Variants in LRBA observed in about 807,000 individuals in gnomAD.
LRBA encodes LPS responsive beige-like anchor protein.
Under a neutral mutation model 330.0 loss-of-function variants are expected in LRBA, and 176 were observed. That is an observed-to-expected ratio of 0.53 (90% CI 0.47 to 0.60). The LOEUF (loss-of-function observed/expected upper bound fraction) is 0.60. Ranked by LOEUF, LRBA falls within the 20% of genes least tolerant of loss-of-function variation. The pLI is 0.00. For missense variants in LRBA, 3,259 were observed against 3,444.8 expected (o/e 0.95, Z 1.35); for synonymous variants, 1,230 against 1,193.0 (o/e 1.03, Z -0.64).
At chr4:150,675,202 A>C (rs889829360) in intron 37 of LRBA, among the ~76,000 whole-genome samples, 1 of 152,154 alleles carries the variant, frequency 6.6e-6, no homozygotes, top group East Asian at 1.9e-4. Flanking sequence ...CAAAACAAAA[A>C]AACAAAAAAA....
chr4:150,853,624 T>C (rs1303228459), intron 22 of LRBA, among the ~76,000 whole-genome samples: 1 of 152,180 alleles, frequency 6.6e-6, no homozygotes, highest in Non-Finnish European at 1.5e-5. Flanking sequence ...ACCGTGAACA[T>C]TCCTATATCA....
At chr4:150,331,110 T>C (rs1733939797) in intron 48 of LRBA, among the ~76,000 whole-genome samples, 1 of 152,170 alleles carries the variant, frequency 6.6e-6, no homozygotes, top group African/African-American at 2.4e-5. Flanking sequence ...CAACACTCCA[T>C]TGTCTCACTA....
intron 44 of LRBA, among the ~76,000 whole-genome samples, chr4:150,448,532 C>T (rs973355899): frequency 2.0e-5 from 3 of 151,966 alleles, no homozygotes; most frequent in Admixed American, 6.6e-5. Context: ...CCGGGCGTGG[C>T]GGCTCACACC....
In LRBA at chr4:150,828,327, T is replaced by C; in HGVS notation, c.5024A>G (p.Asn1675Ser). The change falls in exon 30 of 57, where the codon AAC becomes AGC. Residue 1675 changes from asparagine (N) to serine (S), a missense_variant. Coordinates refer to ENST00000651943, the MANE Select transcript of LRBA (RefSeq NM_001364905.1). ...KATPSVSVSK[N>S]VNVKDILRSL... ...TCGGAGAATGTCTTTCACATTGACG[T>C]TTTTTGAAACTGAAACTGACGGTGT... The C allele has an allele frequency of 1.2e-6, 2 of 1,614,146 alleles. No homozygotes were observed. Among genetic ancestry groups the C allele is most frequent in the Non-Finnish European group, 1.7e-6 (2 of 1,180,002 alleles).
intron 40 of LRBA, among the ~76,000 whole-genome samples, chr4:150,555,740 G>A (rs919874818): frequency 8.8e-5 from 12 of 136,008 alleles, no homozygotes; most frequent in Admixed American, 2.9e-4. Flanking sequence ...AACAGAGTGA[G>A]ACTCTGTCTT....
intron 40 of LRBA, among the ~76,000 whole-genome samples, chr4:150,551,166 C>T (rs551227725): frequency 6.6e-6 from 1 of 152,124 alleles, no homozygotes; most frequent in Non-Finnish European, 1.5e-5. Flanking sequence ...TGGTCTTCTG[C>T]CCTGGGATGA....
At position 150,915,745 on chromosome 4, in the gene LRBA, A is replaced by G; in HGVS notation, c.895-18T>C. 6.4e-7 allele frequency: 1 copy of G among 1,572,122 alleles called. No homozygotes were observed. Among genetic ancestry groups the G allele is most frequent in the South Asian group, 1.2e-5 (1 of 83,020 alleles). ...ATATACCACTGCAGAAGCAAAAAAC[A>G]GTTAAAAATACAAAGATAACAATTA... is the stretch of plus-strand genomic sequence containing the variant. On this transcript the variant is annotated intron_variant, in intron 7 of 56. Coordinates refer to ENST00000651943, the MANE Select transcript of LRBA (RefSeq NM_001364905.1).
At chr4:150,286,146 T>C (rs1485942746) in intron 53 of LRBA, 112 bp from the exon 54 acceptor site, 1 of 775,982 alleles carries the variant, frequency 1.3e-6, no homozygotes, top group Non-Finnish European at 2.1e-6. Flanking sequence ...AGTTTGGGAA[T>C]TTGTCCAGCA....
intron 34 of LRBA, among the ~76,000 whole-genome samples, chr4:150,768,689 T>A (rs1011152117): frequency 6.6e-6 from 1 of 152,098 alleles, no homozygotes; most frequent in Non-Finnish European, 1.5e-5. Context: ...TTTCTCTGTG[T>A]TATGCTTAGG....
intron 2 of LRBA, among the ~76,000 whole-genome samples, chr4:150,995,791 A>C (rs1034942028): frequency 6.6e-6 from 1 of 152,112 alleles, no homozygotes; most frequent in Non-Finnish European, 1.5e-5. Context: ...AATAAATATT[A>C]TTTATTATCC....
intron 36 of LRBA, among the ~76,000 whole-genome samples, chr4:150,720,369 CA>C (rs1289022987): frequency 3.3e-5 from 5 of 151,772 alleles, no homozygotes; most frequent in African/African-American, 9.7e-5. Context: ...AACAACATAA[CA>C]AAAACATAAT....
At chr4:150,542,692 G>A (rs979114829) in intron 40 of LRBA, among the ~76,000 whole-genome samples, 2 of 152,096 alleles carry the variant, frequency 1.3e-5, no homozygotes, top group Admixed American at 6.6e-5. Context: ...TATTTATAAG[G>A]CATTGATGAT....
chr4:150,921,184 T>C lies in LRBA; in HGVS notation c.645+14A>G, dbSNP rs1733217947. 1.3e-6 allele frequency: 2 copies of C among 1,542,166 alleles called. No homozygotes were observed. Among genetic ancestry groups the C allele is most frequent in the Non-Finnish European group, 1.8e-6 (2 of 1,115,190 alleles). ...GAAGAACTGGGAGTGATTTCCTCAT[T>C]AATATTTACTTACTGCAGCACTCTT... On this transcript the variant is annotated intron_variant, in intron 5 of 56. Coordinates refer to ENST00000651943, the MANE Select transcript of LRBA (RefSeq NM_001364905.1).
intron 47 of LRBA, among the ~76,000 whole-genome samples, chr4:150,402,284 CTT>C (rs1745596009): frequency 6.7e-6 from 1 of 148,800 alleles, no homozygotes; most frequent in Non-Finnish European, 1.5e-5. Flanking sequence ...AAAAAAAGAA[CTT>C]ATTTTAAGAA....
intron 34 of LRBA, among the ~76,000 whole-genome samples, chr4:150,772,076 C>T (rs1175758967): frequency 6.6e-6 from 1 of 152,124 alleles, no homozygotes; most frequent in African/African-American, 2.4e-5. Context: ...ACCATCCAGA[C>T]AAACCAATAG....
At chr4:150,632,326 A>G (rs1277007116) in intron 37 of LRBA, among the ~76,000 whole-genome samples, 1 of 152,030 alleles carries the variant, frequency 6.6e-6, no homozygotes, top group East Asian at 1.9e-4. Context: ...CAGCAACAGA[A>G]TTTTTCTGGG....
At chr4:150,779,940 T>C (rs1013373490) in intron 34 of LRBA, among the ~76,000 whole-genome samples, 6 of 152,178 alleles carry the variant, frequency 3.9e-5, no homozygotes, top group African/African-American at 1.4e-4. Flanking sequence ...CCCAATAAAA[T>C]AGTGCCTTTA....
intron 9 of LRBA, among the ~76,000 whole-genome samples, chr4:150,909,105 G>A (rs997771333): frequency 7.9e-5 from 12 of 151,986 alleles, no homozygotes; most frequent in East Asian, 3.9e-4. Context: ...ATCTTTTTTC[G>A]TATATTCTTT....
chr4:150,974,715 G>T (rs1483351372), intron 2 of LRBA, among the ~76,000 whole-genome samples: 2 of 152,170 alleles, frequency 1.3e-5, no homozygotes, highest in African/African-American at 2.4e-5. Context: ...GCAGGAGAGG[G>T]TAGGAAAGTC....
Sources: gnomAD v4.1 joint callset for allele counts (sites outside exome capture counted in the v4.1 genomes callset) on GRCh38, gnomAD v4.1.1 for gene constraint, MANE v1.5 for transcripts, NCBI Gene and HGNC (gene_info 2026-07-23, HGNC 2026-07-21) for gene names.